The following SPATS2L variants were observed in gnomAD, a reference collection of about 807,000 sequenced individuals.
The protein encoded by SPATS2L is spermatogenesis associated serine rich 2 like, also known as SPATS2-like protein.
SPATS2L carries 30 observed loss-of-function variants against 59.6 expected under a neutral mutation model. That is an observed-to-expected ratio of 0.50 (90% confidence interval 0.38 to 0.68). The LOEUF (loss-of-function observed/expected upper bound fraction) is 0.68. Ranked by LOEUF, SPATS2L falls within the 30% of genes least tolerant of loss-of-function variation. The pLI is 0.00. For synonymous variants in SPATS2L, 252 were observed against 263.5 expected, an observed-to-expected ratio of 0.96 and a Z score of 0.42; for missense variants, 615 against 700.0, an observed-to-expected ratio of 0.88 and a Z score of 1.37.
Position 200,396,050 on chromosome 2 carries a change from ATATATATATATATATATT to A in SPATS2L, c.39+6769_39+6786del, listed in dbSNP as rs1466709628. Among the ~76,000 whole-genome samples, 144 of 90,492 alleles carry A rather than the reference ATATATATATATATATATT, an allele frequency of 1.6e-3. 6 individuals are homozygous for A. Among genetic ancestry groups the A allele is most frequent in the Middle Eastern group, 5.0e-3 (1 of 202 alleles). The allele number at this position is 90,492 out of a possible 152,430, so 59.4% of individuals were successfully genotyped here. ...AAAAAAAAAATATATATATATATAT[ATATATATATATATATATT>A]TTCCCATAGAACCAAGATTGGAAAG... On this transcript the variant is annotated intron_variant, in intron 3 of 12. Coordinates refer to ENST00000409140, the MANE Select transcript of SPATS2L (RefSeq NM_001100423.2).
chr2:200,472,590 C>T (rs921727444), intron 11 of SPATS2L, among the ~76,000 whole-genome samples: 21 of 152,224 alleles, frequency 1.4e-4, no homozygotes, highest in African/African-American at 4.6e-4. Context: ...TTATTTCCTA[C>T]AAATGTCTCC....
At chr2:200,399,094 C>T (rs1458398351) in intron 3 of SPATS2L, among the ~76,000 whole-genome samples, 1 of 152,150 alleles carries the variant, frequency 6.6e-6, no homozygotes, top group East Asian at 1.9e-4. Flanking sequence ...GCACATTTAA[C>T]ATGAAATTTA....
rs967651821 is a variant in SPATS2L at position 200,480,191 on chromosome 2, C to G, written c.*2160C>G. On this transcript the variant is annotated 3_prime_UTR_variant, in exon 13 of 13. Transcript: ENST00000409140. ...TGCCTTTGTCAGAGTTGAACCCAAC[C>G]ACTCTTGACCTCGACTCACTCCCTT... 6.5e-6 allele frequency: 1 copy of G among 154,540 alleles called. No individual in the cohort carries two copies. The highest frequency in any genetic ancestry group is 2.4e-5 in the African/African-American group (1 of 41,536). 9.6% of individuals were successfully genotyped at this position (154,540 alleles called of 1,614,324 possible). A position where few individuals can be genotyped will look rare whatever the true frequency, so the allele number is the denominator to read the frequency against.
chr2:200,403,195 A>G (rs1399392989), intron 3 of SPATS2L, among the ~76,000 whole-genome samples: 1 of 152,200 alleles, frequency 6.6e-6, no homozygotes, highest in Non-Finnish European at 1.5e-5. Flanking sequence ...CAACCAAGGC[A>G]GGTGCAGGTC....
intron 3 of SPATS2L, among the ~76,000 whole-genome samples, chr2:200,405,458 C>T (rs574527054): frequency 4.6e-5 from 7 of 151,494 alleles, no homozygotes; most frequent in African/African-American, 1.7e-4. Context: ...AACATGACAG[C>T]ACCTCATGCA....
In SPATS2L at chr2:200,469,928, G is replaced by A. The variant is rs2086897986; in HGVS notation, c.972G>A (p.Glu324=). Residue 324 remains glutamate, a synonymous_variant, in exon 11 of 13, where the codon GAG becomes GAA. Coordinates refer to ENST00000409140, the MANE Select transcript of SPATS2L (RefSeq NM_001100423.2). Reference sequence around the variant, plus strand: ...CTTTCCTCCAGCACTTTGTCAGCGAGCGTAAATATGACGAGGAGCTCGGGA... The same window carrying A: ...CTTTCCTCCAGCACTTTGTCAGCGAACGTAAATATGACGAGGAGCTCGGGA... The part of the protein sequence containing the change: ...LRAEIKHFVS[E]RKYDEELGKA... 5 of 1,610,130 alleles carry A rather than the reference G, an allele frequency of 3.1e-6. No individual in the cohort carries two copies. The highest frequency in any genetic ancestry group is 1.6e-4 in the Middle Eastern group (1 of 6,080).
intron 2 of SPATS2L, among the ~76,000 whole-genome samples, chr2:200,344,199 T>C (rs2080431700): frequency 6.6e-6 from 1 of 152,140 alleles, no homozygotes; most frequent in South Asian, 2.1e-4. Flanking sequence ...TCATTAGTTA[T>C]TTTTTCTGAT....
chr2:200,332,435 G>A (rs1220674941), intron 2 of SPATS2L, among the ~76,000 whole-genome samples: 2 of 152,054 alleles, frequency 1.3e-5, no homozygotes, highest in Admixed American at 6.6e-5. Flanking sequence ...TATAGAGATA[G>A]GGGGTCTCAC....
chr2:200,366,088 G>T (rs553953816), intron 2 of SPATS2L, among the ~76,000 whole-genome samples: 1 of 152,288 alleles, frequency 6.6e-6, no homozygotes, highest in East Asian at 1.9e-4. Context: ...GAGAAATTTT[G>T]TTGAGATGCT....
chr2:200,306,516 G>A (rs2079015322), upstream of SPATS2L: 2 of 1,002,488 alleles, frequency 2.0e-6, no homozygotes, highest in South Asian at 4.7e-5. Context: ...ACGTGCGTGT[G>A]AGCGGATACA....
At chr2:200,411,696 C>T (rs2082883469) in intron 3 of SPATS2L, among the ~76,000 whole-genome samples, 1 of 151,966 alleles carries the variant, frequency 6.6e-6, no homozygotes, top group Non-Finnish European at 1.5e-5. Flanking sequence ...TATTGAAATC[C>T]TTAGTGGATA....
chr2:200,440,993 A>G (rs923823839), intron 8 of SPATS2L, among the ~76,000 whole-genome samples: 2 of 152,236 alleles, frequency 1.3e-5, no homozygotes. Context: ...CCTGATAGAC[A>G]TAATTCACTG....
At chr2:200,359,906 A>G (rs1159402074) in intron 2 of SPATS2L, among the ~76,000 whole-genome samples, 1 of 152,180 alleles carries the variant, frequency 6.6e-6, no homozygotes, top group Non-Finnish European at 1.5e-5. Flanking sequence ...CTGAACTTCT[A>G]CAGTACTGAA....
At position 200,470,010 on chromosome 2, in the gene SPATS2L, G is replaced by A; in HGVS notation, c.1054G>A (p.Gly352Arg). ...EQLKAQIMLC[G>R]EITHPKNNYS... is the part of the protein sequence containing the mutation. The stretch of plus-strand genomic sequence containing the variant: ...GCTGAAGGCCCAAATCATGCTCTGC[G>A]GAGAAAGTGAGTTTTGCATATTTGC... The change falls in exon 11 of 13, where the codon GGA becomes AGA. Residue 352 changes from glycine to arginine, a missense_variant. By Grantham distance (125) the Gly-to-Arg change is moderately radical. Coordinates refer to ENST00000409140, the MANE Select transcript of SPATS2L (RefSeq NM_001100423.2). 6 of 1,606,438 alleles carry A rather than the reference G, an allele frequency of 3.7e-6. No individual in the cohort carries two copies. Among genetic ancestry groups the A allele is most frequent in the Non-Finnish European group, 5.1e-6 (6 of 1,176,438 alleles).
intron 8 of SPATS2L, among the ~76,000 whole-genome samples, chr2:200,458,751 A>G (rs2086032981): frequency 6.6e-6 from 1 of 152,026 alleles, no homozygotes; most frequent in South Asian, 2.1e-4. Flanking sequence ...AAAAAGATTT[A>G]TGGGACAGTT....
At chr2:200,470,190 A>G (rs540988685) in intron 11 of SPATS2L, among the ~76,000 whole-genome samples, 174 bp downstream of exon 11, 1 of 152,346 alleles carries the variant, frequency 6.6e-6, no homozygotes, top group Non-Finnish European at 1.5e-5. Context: ...ATTTGAACCT[A>G]GAGTCTTCAA....
chr2:200,338,774 C>T (rs1481143385), intron 2 of SPATS2L, among the ~76,000 whole-genome samples: 2 of 152,204 alleles, frequency 1.3e-5, no homozygotes, highest in East Asian at 1.9e-4. Flanking sequence ...GGTTACCTCT[C>T]CACTTCACTT....
chr2:200,430,052 A>AT lies in SPATS2L; in HGVS notation c.446-9069dup, dbSNP rs1439140151. On this transcript the variant is annotated intron_variant, in intron 6 of 12. Transcript: ENST00000409140. ...CCAGTTACAGATTTCAGAACACTAT[A>AT]TGCTTTTCTTTCTTAACACCACAGT... 7.9e-5 allele frequency among the ~76,000 whole-genome samples: 12 copies of AT among 152,236 alleles called. No homozygotes were observed. In the East Asian group the frequency reaches 2.3e-3, roughly 29 times the overall value.
chr2:200,412,450 T>C lies in SPATS2L; in HGVS notation c.148+31T>C, dbSNP rs1225722806. 7 of 1,276,898 alleles carry C rather than the reference T, an allele frequency of 5.5e-6. No homozygotes were observed. In the African/African-American group the frequency reaches 9.0e-5, roughly 16 times the overall value. The allele number at this position is 1,276,898 out of a possible 1,614,324, so 79.1% of individuals were successfully genotyped here. A position where few individuals can be genotyped will look rare whatever the true frequency, so the allele number is the denominator to read the frequency against. On this transcript the variant is annotated intron_variant, in intron 4 of 12. Coordinates refer to ENST00000409140, the MANE Select transcript of SPATS2L (RefSeq NM_001100423.2). Reference sequence around the variant, plus strand: ...TATACCTGTACCCTGCAGCTGAAGATGTTAGACTTAAATATTCCAGATATT... The same window carrying C: ...TATACCTGTACCCTGCAGCTGAAGACGTTAGACTTAAATATTCCAGATATT...
Sources: allele counts gnomAD v4.1 joint callset (sites outside exome capture counted in the v4.1 genomes callset), GRCh38; gene constraint gnomAD v4.1.1; transcripts MANE v1.5; gene names NCBI Gene and HGNC (gene_info 2026-07-23, HGNC 2026-07-21).